LTBP2: variants seen among roughly 807,000 people sequenced by gnomAD.
The protein encoded by LTBP2 is latent-transforming growth factor beta-binding protein 2.
A neutral mutation model predicts 210.6 loss-of-function variants in LTBP2; 103 were observed. That is an observed-to-expected ratio of 0.49 (90% CI 0.42 to 0.58). The LOEUF (loss-of-function observed/expected upper bound fraction) is 0.58, where lower values mean the gene tolerates loss of function less well. LTBP2 is among the 20% of genes least tolerant of loss of function. The pLI, the probability that LTBP2 is intolerant of heterozygous loss-of-function variation, is 0.00. For missense variants in LTBP2, 2,313 were observed against 2,494.5 expected, an observed-to-expected ratio of 0.93 and a Z score of 1.55; for synonymous variants, 1,007 against 1,015.0, an observed-to-expected ratio of 0.99 and a Z score of 0.15.
At position 74,510,153 on chromosome 14, in the gene LTBP2, C is replaced by G. The variant is rs753925084; in HGVS notation, c.3089G>C (p.Gly1030Ala). 3.7e-6 allele frequency: 6 copies of G among 1,614,102 alleles called. No individual in the cohort carries two copies. The East Asian group carries it at 6.7e-5, about 18-fold the overall frequency. Reference protein sequence around the residue: ...CAHGKCTNLEGSFRCSCEQGY... With the variant: ...CAHGKCTNLEASFRCSCEQGY... The stretch of plus-strand genomic sequence containing the variant: ...CTGCTCACAAGAGCATCTGAAGGAG[C>G]CTTCTAGGTTGGTGCACTTTCCATG... Residue 1030 changes from glycine (G) to alanine (A), a missense_variant, in exon 20 of 36, where the codon GGC (glycine) becomes GCC (alanine). Gly to Ala is a moderately conservative substitution (Grantham distance 60). Around this residue, in one of 3 missense-constraint regions of LTBP2, gnomAD observed 1,867 missense variants for 1,976.9 expected, o/e 0.94. Coordinates refer to ENST00000261978, the MANE Select transcript of LTBP2 (RefSeq NM_000428.3).
At chr14:74,543,301 C>T (rs188367997) in intron 8 of LTBP2, among the ~76,000 whole-genome samples, 206 of 149,590 alleles carry the variant, frequency 1.4e-3, no homozygotes, top group African/African-American at 3.9e-3. Flanking sequence ...TGGCATGAAC[C>T]CAGGAGGCAG....
At chr14:74,536,076 G>T in intron 8 of LTBP2, 76 bp from the exon 9 acceptor site, 1 of 1,291,590 alleles carries the variant, frequency 7.7e-7, no homozygotes, top group Non-Finnish European at 1.1e-6. Flanking sequence ...GGAAGCGGGT[G>T]CAGTCTGGAT....
At chr14:74,515,116 T>C (rs2087118487) in intron 18 of LTBP2, among the ~76,000 whole-genome samples, 1 of 152,170 alleles carries the variant, frequency 6.6e-6, no homozygotes, top group Admixed American at 6.5e-5. Flanking sequence ...TTGTATACAT[T>C]AGCTTATCCG....
rs1202044807 is a variant in LTBP2 at position 74,499,451 on chromosome 14, A to AAGTT, written c.*1429_*1432dup. 4.4e-6 allele frequency: 1 copy of AAGTT among 227,028 alleles called. No individual in the cohort carries two copies. Among genetic ancestry groups the AAGTT allele is most frequent in the Non-Finnish European group, 8.8e-6 (1 of 114,174 alleles). The allele number at this position is 227,028 out of a possible 1,614,324, so 14.1% of individuals were successfully genotyped here. On this transcript the variant is annotated 3_prime_UTR_variant, in exon 36 of 36. Transcript: ENST00000261978. Reference sequence around the variant, plus strand: ...GCCTGGCACATGGCAAGCATTCAATAAGTTATGTGATGGCTAACAATCAGA... The same window carrying AAGTT: ...GCCTGGCACATGGCAAGCATTCAATAAGTTAGTTATGTGATGGCTAACAATCAGA...
Position 74,532,485 on chromosome 14 carries a change from CT to C in LTBP2, c.1927del (p.Ser643AlafsTer99). On this transcript the variant is annotated frameshift_variant, in exon 10 of 36. Coordinates refer to ENST00000261978, the MANE Select transcript of LTBP2 (RefSeq NM_000428.3). LOFTEE classifies it high-confidence loss of function. The part of the protein sequence containing the change: ...KDAECVNTRG[S>X]YLCTCRPGLM... The stretch of plus-strand genomic sequence containing the variant: ...GCCAGGTCTGCATGTGCACAGGTAG[CT>C]GCCCCTGGTATTCACACACTCCGCG... 1.2e-6 allele frequency: 2 copies of C among 1,614,228 alleles called. No individual in the cohort carries two copies. The highest frequency in any genetic ancestry group is 1.7e-6 in the Non-Finnish European group (2 of 1,180,042).
In LTBP2 at chr14:74,551,136, C is replaced by T. The variant is rs1279660896; in HGVS notation, c.1614G>A (p.Arg538=). 3 of 1,613,854 alleles carry T rather than the reference C, an allele frequency of 1.9e-6. No homozygotes were observed. The highest frequency in any genetic ancestry group is 2.2e-5 in the South Asian group (2 of 91,072). Residue 538 remains arginine, a synonymous_variant, in exon 7 of 36, where the codon CGG becomes CGA. Coordinates refer to ENST00000261978, the MANE Select transcript of LTBP2 (RefSeq NM_000428.3). ...GCCTGGGTGCTGCTGGGGGCAGTGG[C>T]CGAGGGGGCTCTCCAGACCGAGCAG... ...NIPARSGEPP[R]PLPPAAPRPR...
At chr14:74,573,228 G>C (rs550876514) in intron 3 of LTBP2, among the ~76,000 whole-genome samples, 1 of 152,342 alleles carries the variant, frequency 6.6e-6, no homozygotes, top group East Asian at 1.9e-4. Context: ...AAGTCGAGGA[G>C]AGCTAGGCTG....
chr14:74,585,312 G>A (rs113181312), intron 3 of LTBP2, among the ~76,000 whole-genome samples: 1 of 152,216 alleles, frequency 6.6e-6, no homozygotes, highest in African/African-American at 2.4e-5. Flanking sequence ...ACATCACAGG[G>A]ACCACAGGCA....
At chr14:74,597,341 G>A (rs2088380762) in intron 2 of LTBP2, among the ~76,000 whole-genome samples, 1 of 152,202 alleles carries the variant, frequency 6.6e-6, no homozygotes. Flanking sequence ...GAGGGATTTG[G>A]AAGGTCTGGG....
intron 34 of LTBP2, 117 bp downstream of exon 34, chr14:74,502,536 G>A (rs760064438): frequency 2.1e-6 from 3 of 1,441,778 alleles, no homozygotes; most frequent in Non-Finnish European, 2.9e-6. Context: ...CTCTGGCTTG[G>A]TGTGTCTTTC....
chr14:74,517,709 G>C (rs905468298), intron 17 of LTBP2, among the ~76,000 whole-genome samples: 1 of 152,290 alleles, frequency 6.6e-6, no homozygotes, highest in South Asian at 2.1e-4. Flanking sequence ...ATAAAGGTTA[G>C]GAACCAAGCA....
rs529121096 is a variant in LTBP2 at position 74,511,268 on chromosome 14, C to G, written c.3005G>C (p.Arg1002Pro). 6.2e-7 allele frequency: 1 copy of G among 1,613,968 alleles called. No individual in the cohort carries two copies. Among genetic ancestry groups the G allele is most frequent in the Admixed American group, 1.7e-5 (1 of 60,024 alleles). ...YTCLACEEGYRGQSGSCVDVN... is the reference protein window; with the variant it reads ...YTCLACEEGYPGQSGSCVDVN... ...ACCTACACAGCTCCCACTCTGGCCC[C>G]GGTAGCCCTCCTCACAGGCCAGACA... The change falls in exon 19 of 36, where the codon CGG becomes CCG. Residue 1002 changes from arginine (R) to proline (P), a missense_variant. Coordinates refer to ENST00000261978, the MANE Select transcript of LTBP2 (RefSeq NM_000428.3).
intron 3 of LTBP2, among the ~76,000 whole-genome samples, chr14:74,569,665 G>A (rs533171487): frequency 2.0e-4 from 30 of 152,276 alleles, no homozygotes; most frequent in Non-Finnish European, 3.7e-4. Flanking sequence ...CTGCTGGGGC[G>A]TCAGAGTCCT....
At position 74,501,560 on chromosome 14, in the gene LTBP2, G is replaced by T. The variant is rs774080243; in HGVS notation, c.5201C>A (p.Ala1734Glu). The T allele has an allele frequency of 6.2e-7, 1 of 1,614,130 alleles. No homozygotes were observed. Among genetic ancestry groups the T allele is most frequent in the Admixed American group, 1.7e-5 (1 of 60,022 alleles). Residue 1734 changes from alanine (A) to glutamate (E), a missense_variant, in exon 35 of 36, where the codon GCG becomes GAG. This residue lies in a region of LTBP2 where 443 missense variants were observed against 501.4 expected (regional missense o/e 0.88). Coordinates refer to ENST00000261978, the MANE Select transcript of LTBP2 (RefSeq NM_000428.3). ...EPPAGFEGLQ[A>E]EECGILNGCE... ...GCCGTTCAGGATGCCGCACTCCTCCGCCTGAAGCCCTTCGAAGCCGGCTGG... is the reference window on the plus strand; with the variant it reads ...GCCGTTCAGGATGCCGCACTCCTCCTCCTGAAGCCCTTCGAAGCCGGCTGG...
In LTBP2 at chr14:74,509,233, C is replaced by T. The variant is rs1320686402; in HGVS notation, c.3403+5G>A. 1.2e-6 allele frequency: 2 copies of T among 1,613,458 alleles called. No individual in the cohort carries two copies. The highest frequency in any genetic ancestry group is 2.7e-5 in the African/African-American group (2 of 74,934). On this transcript the variant is annotated splice_donor_5th_base_variant and intron_variant, in intron 22 of 35. Transcript: ENST00000261978. The stretch of plus-strand genomic sequence containing the variant: ...TTGTATCCTCTCCCACACAGAGGCT[C>T]ATACCTTCACAGGAGTCACCCAGGG...
chr14:74,560,469 G>A (rs1185984205), intron 3 of LTBP2, among the ~76,000 whole-genome samples: 1 of 152,152 alleles, frequency 6.6e-6, no homozygotes, highest in African/African-American at 2.4e-5. Flanking sequence ...AAAGCTGCCT[G>A]GGCAGTCTGT....
intron 2 of LTBP2, among the ~76,000 whole-genome samples, chr14:74,601,966 A>G (rs1039289863): frequency 6.6e-6 from 1 of 152,142 alleles, no homozygotes; most frequent in African/African-American, 2.4e-5. Context: ...CAGTCACCTG[A>G]AGGATAGTCA....
chr14:74,537,175 CAA>C (rs988070245), intron 8 of LTBP2, among the ~76,000 whole-genome samples: 1 of 148,714 alleles, frequency 6.7e-6, no homozygotes, highest in African/African-American at 2.5e-5. Context: ...AAAAAAAAAC[CAA>C]AGAGTTGACA....
At position 74,500,846 on chromosome 14, in the gene LTBP2, G is replaced by A; in HGVS notation, c.*38C>T. On this transcript the variant is annotated 3_prime_UTR_variant, in exon 36 of 36. Coordinates refer to ENST00000261978, the MANE Select transcript of LTBP2 (RefSeq NM_000428.3). ...CTCAAGGCCCCTGCCTGTGACTGGA[G>A]GCCATTTCCAGGTAGTTGCCACACT... 1.2e-6 allele frequency: 2 copies of A among 1,612,878 alleles called. No homozygotes were observed. The highest frequency in any genetic ancestry group is 1.7e-6 in the Non-Finnish European group (2 of 1,179,770).
Sources: gnomAD v4.1 joint callset for allele counts (sites outside exome capture counted in the v4.1 genomes callset) on GRCh38, gnomAD v4.1.1 for gene constraint, gnomAD v4.1.1 regional missense constraint, MANE v1.5 for transcripts, NCBI Gene and HGNC (gene_info 2026-07-23, HGNC 2026-07-21) for gene names.